TTI1: variants seen among roughly 807,000 people sequenced by gnomAD.
TTI1 encodes TELO2-interacting protein 1 homolog.
TTI1 carries 52 observed loss-of-function variants against 85.4 expected under a neutral mutation model. The observed-to-expected ratio is 0.61, with a 90% CI of 0.49 to 0.77. TTI1 has a LOEUF of 0.77. Ranked by LOEUF, TTI1 falls within the 30% of genes least tolerant of loss-of-function variation. The pLI is 0.00. For missense variants in TTI1, 1,173 were observed against 1,296.0 expected (o/e 0.91, Z 1.46); for synonymous variants, 512 against 503.9 (o/e 1.02, Z -0.22).
chr20:38,010,344 G>A (rs1187962293), intron 2 of TTI1, among the ~76,000 whole-genome samples: 1 of 151,978 alleles, frequency 6.6e-6, no homozygotes, highest in African/African-American at 2.4e-5. Context: ...GATAAATACT[G>A]GAAATATGCT....
intron 2 of TTI1, among the ~76,000 whole-genome samples, chr20:38,008,393 G>T (rs1046530144): frequency 6.6e-6 from 1 of 152,194 alleles, no homozygotes; most frequent in Non-Finnish European, 1.5e-5. Flanking sequence ...GAAAGGACTG[G>T]TTAAATACAC....
chr20:38,021,911 C>T (rs761998483), intron 1 of TTI1, among the ~76,000 whole-genome samples: 2 of 152,122 alleles, frequency 1.3e-5, no homozygotes, highest in Non-Finnish European at 2.9e-5. Flanking sequence ...AAGGTACTTA[C>T]TGTATCACAC....
At chr20:38,006,086 G>A in intron 3 of TTI1, 111 bp downstream of exon 3, 12 of 1,204,442 alleles carry the variant, frequency 1.0e-5, no homozygotes, top group Non-Finnish European at 1.4e-5. Context: ...AGCCTGGTAA[G>A]GTTATGAGTA....
At position 38,005,396 on chromosome 20, in the gene TTI1, T is replaced by A. The variant is rs145883907; in HGVS notation, c.2503+801A>T. ...GGCCAGAGCTTCAACTAGCCTGAAC[T>A]CCCTTCTTCTTTATCATATAAATTG... On this transcript the variant is annotated intron_variant, in intron 3 of 7. Coordinates refer to ENST00000373447, the MANE Select transcript of TTI1 (RefSeq NM_001303457.2). 5.3e-3 allele frequency among the ~76,000 whole-genome samples: 813 copies of A among 152,186 alleles called. 7 individuals are homozygous for A. The highest frequency in any genetic ancestry group is 0.019 in the African/African-American group (773 of 41,518).
At position 38,013,111 on chromosome 20, in the gene TTI1, G is replaced by C. The variant is rs773793356; in HGVS notation, c.706C>G (p.Leu236Val). 1.9e-6 allele frequency: 3 copies of C among 1,614,002 alleles called. No individual in the cohort carries two copies. In the Admixed American group the frequency reaches 5.0e-5, roughly 27 times the overall value. ...CTCACTGTCTTGTAAAAGATCTTTAGGGAAGATACGACAATGCTGTGACCT... is the reference window on the plus strand; with the variant it reads ...CTCACTGTCTTGTAAAAGATCTTTACGGAAGATACGACAATGCTGTGACCT... ...KQGHSIVVSS[L>V]KIFYKTVSFI... Residue 236 changes from leucine (L) to valine (V), a missense_variant, in exon 2 of 8, where the codon CTA (leucine) becomes GTA (valine). Physicochemically the swap from Leu to Val is conservative, Grantham distance 32. Coordinates refer to ENST00000373447, the MANE Select transcript of TTI1 (RefSeq NM_001303457.2).
chr20:37,993,641 G>C (rs2073297494), intron 7 of TTI1, among the ~76,000 whole-genome samples: 1 of 152,144 alleles, frequency 6.6e-6, no homozygotes, highest in Admixed American at 6.5e-5. Flanking sequence ...CCTTCCAGAA[G>C]ACAGGAGGCC....
chr20:38,028,771 C>T (rs1340382093), intron 1 of TTI1, among the ~76,000 whole-genome samples: 2 of 152,140 alleles, frequency 1.3e-5, no homozygotes, highest in Admixed American at 6.5e-5. Context: ...TGCAGTGGCT[C>T]GATGATGGCT....
intron 5 of TTI1, 124 bp downstream of exon 5, chr20:37,999,064 A>G (rs983892809): frequency 2.7e-6 from 3 of 1,113,458 alleles, no homozygotes; most frequent in African/African-American, 3.2e-5. Flanking sequence ...TTATGTTTCT[A>G]TACTTTCTTC....
chr20:37,996,744 C>T lies in TTI1; in HGVS notation c.2998+5G>A, dbSNP rs970238371. ...TGTGTTCAGGTGGAACTGCCTGGTA[C>T]CCACCTAGGTCCAGTCTCTCACAGA... On this transcript the variant is annotated splice_donor_5th_base_variant and intron_variant, in intron 6 of 7. Transcript: ENST00000373447. 1.9e-6 allele frequency: 3 copies of T among 1,601,518 alleles called. No homozygotes were observed. The African/African-American group carries it at 4.0e-5, about 21-fold the overall frequency.
chr20:38,017,404 T>TTGTGTGTGTGTGTGTGTG (rs66542554), intron 1 of TTI1, among the ~76,000 whole-genome samples: 24 of 146,240 alleles, frequency 1.6e-4, no homozygotes, highest in African/African-American at 6.1e-4. Flanking sequence ...AATCAATAGC[T>TTGTGTGTGTGTGTGTGTG]TGTGTGTGTG....
At chr20:38,005,495 G>T (rs1290330721) in intron 3 of TTI1, among the ~76,000 whole-genome samples, 3 of 151,616 alleles carry the variant, frequency 2.0e-5, no homozygotes, top group African/African-American at 7.3e-5. Context: ...ATGGGAATAA[G>T]GAAAAAAAAC....
chr20:37,994,971 G>A (rs1751102921), intron 7 of TTI1, among the ~76,000 whole-genome samples: 1 of 152,200 alleles, frequency 6.6e-6, no homozygotes, highest in Non-Finnish European at 1.5e-5. Context: ...TAGAATGGAT[G>A]GGGAATGTGA....
intron 3 of TTI1, chr20:38,005,967 T>C (rs373619859): frequency 2.5e-5 from 12 of 489,190 alleles, no homozygotes; most frequent in East Asian, 1.6e-4. Context: ...ATAAGCAGAG[T>C]TGCTTATAAC....
intron 1 of TTI1, among the ~76,000 whole-genome samples, chr20:38,024,216 A>G (rs1320845331): frequency 6.6e-6 from 1 of 152,162 alleles, no homozygotes; most frequent in Non-Finnish European, 1.5e-5. Flanking sequence ...TAAGTTCTTC[A>G]GGTAACTAAA....
At chr20:38,030,389 T>C (rs1233066595) in intron 1 of TTI1, among the ~76,000 whole-genome samples, 1 of 151,980 alleles carries the variant, frequency 6.6e-6, no homozygotes, top group African/African-American at 2.4e-5. Context: ...CACTTTCCAA[T>C]CCATTTTATA....
intron 2 of TTI1, among the ~76,000 whole-genome samples, chr20:38,008,855 T>C (rs1200839465): frequency 6.6e-6 from 1 of 152,238 alleles, no homozygotes; most frequent in Admixed American, 6.5e-5. Context: ...GAGTGTATTC[T>C]GGGTTATTTC....
intron 4 of TTI1, among the ~76,000 whole-genome samples, chr20:38,000,123 T>C (rs1275176734): frequency 1.3e-5 from 2 of 152,216 alleles, no homozygotes; most frequent in African/African-American, 4.8e-5. Context: ...CTTAAATTGC[T>C]GAAGGACTGG....
chr20:38,017,334 T>C (rs1016185308), intron 1 of TTI1, among the ~76,000 whole-genome samples: 1 of 152,014 alleles, frequency 6.6e-6, no homozygotes, highest in Non-Finnish European at 1.5e-5. Flanking sequence ...CATCCAATAC[T>C]TGTGGAAGCA....
chr20:38,009,214 G>GC (rs1447733098), intron 2 of TTI1, among the ~76,000 whole-genome samples: 1 of 152,184 alleles, frequency 6.6e-6, no homozygotes, highest in African/African-American at 2.4e-5. Flanking sequence ...GCCCATGGAA[G>GC]CCAGTCTTAG....
Sources: allele counts gnomAD v4.1 joint callset (sites outside exome capture counted in the v4.1 genomes callset), GRCh38; gene constraint gnomAD v4.1.1; transcripts MANE v1.5; gene names NCBI Gene and HGNC (gene_info 2026-07-23, HGNC 2026-07-21).